CDK16: variants seen among roughly 807,000 people sequenced by gnomAD.
CDK16 encodes cyclin-dependent kinase 16.
In CDK16, 2 loss-of-function variants were observed where a neutral mutation model predicts 41.6. The observed-to-expected ratio is 0.05, with a 90% CI of 0.02 to 0.15. The LOEUF is 0.15. Ranked by LOEUF, CDK16 falls within the 10% of genes least tolerant of loss-of-function variation. The pLI, the probability that CDK16 is intolerant of heterozygous loss-of-function variation, is 1.00. For missense variants in CDK16, 228 were observed against 428.9 expected (o/e 0.53, Z 4.14); for synonymous variants, 169 against 169.7 (o/e 1.00, Z 0.03).
intron 6 of CDK16, among the ~76,000 whole-genome samples, chrX:47,225,569 C>T (rs1175226237): frequency 8.9e-6 from 1 of 111,823 alleles, no homozygotes; most frequent in African/African-American, 3.3e-5. Flanking sequence ...TCCTCTGAGT[C>T]TTATTTTCCA....
intron 4 of CDK16, 22 bp downstream of exon 4, chrX:47,224,765 CCT>C (rs1254504111): frequency 4.1e-6 from 5 of 1,209,604 alleles, no homozygotes; most frequent in Non-Finnish European, 4.5e-6. Flanking sequence ...CTGTTCCCGT[CCT>C]CTCCTTTTTC....
In CDK16 at chrX:47,229,077, C is replaced by G; in HGVS notation, c.*309C>G. ...CCACACTGAGGCCAGGTCTACCCCC[C>G]ATCATACCAGCCCCCAGGACCACTA... On this transcript the variant is annotated 3_prime_UTR_variant, in exon 16 of 16. Coordinates refer to ENST00000357227, the MANE Select transcript of CDK16 (RefSeq NM_006201.5). 2.5e-6 allele frequency: 1 copy of G among 394,960 alleles called. No homozygotes were observed. Among genetic ancestry groups the G allele is most frequent in the South Asian group, 3.3e-5 (1 of 30,714 alleles). The allele number at this position is 394,960 out of a possible 1,213,427, so 32.5% of individuals were successfully genotyped here.
intron 1 of CDK16, among the ~76,000 whole-genome samples, chrX:47,220,853 A>G (rs1308097664): frequency 9.0e-6 from 1 of 111,166 alleles, no homozygotes; most frequent in Non-Finnish European, 1.9e-5. Context: ...GGTCAGCTAT[A>G]GAGTACCCCA....
intron 2 of CDK16, among the ~76,000 whole-genome samples, chrX:47,223,966 C>A (rs1379756506): frequency 1.8e-5 from 2 of 110,875 alleles, no homozygotes; most frequent in African/African-American, 6.6e-5. Flanking sequence ...TCTGCCCAGG[C>A]CCCGTGGTGG....
At chrX:47,219,710 C>T (rs1937251452) in intron 1 of CDK16, among the ~76,000 whole-genome samples, 1 of 110,081 alleles carries the variant, frequency 9.1e-6, no homozygotes, top group African/African-American at 3.3e-5. Context: ...CGTGTCTGTC[C>T]GTGGGGCCTG....
chrX:47,218,509 G>T, upstream of CDK16: 1 of 917,104 alleles, frequency 1.1e-6, no homozygotes, highest in Non-Finnish European at 1.4e-6. Flanking sequence ...TCACCTAGGC[G>T]CTAGCAAACT....
At position 47,224,435 on chromosome X, in the gene CDK16, G is replaced by A; in HGVS notation, c.253G>A (p.Ala85Thr). 1 of 1,206,737 alleles carries A rather than the reference G, an allele frequency of 8.3e-7. No homozygotes were observed. The highest frequency in any genetic ancestry group is 1.1e-6 in the Non-Finnish European group (1 of 892,731). ...KMGSDGESDQ[A>T]SATSSDEVQS... ...GGGGTCTGATGGGGAGAGTGACCAG[G>A]CTTCAGCCACGTCCTCGGATGAGGT... The change falls in exon 3 of 16, where the codon GCT becomes ACT. Residue 85 changes from alanine (A) to threonine (T), a missense_variant. This residue lies in a region of CDK16 where 71 missense variants were observed against 102.2 expected (regional missense o/e 0.69). Coordinates refer to ENST00000357227, the MANE Select transcript of CDK16 (RefSeq NM_006201.5).
At position 47,227,400 on chromosome X, in the gene CDK16, T is replaced by G; in HGVS notation, c.1306T>G (p.Ser436Ala). 8.3e-7 allele frequency: 1 copy of G among 1,209,913 alleles called. No homozygotes were observed. The change falls in exon 14 of 16, where the codon TCC becomes GCC. Residue 436 changes from serine (S) to alanine (A), a missense_variant. This residue lies in a region of CDK16 where 91 missense variants were observed against 129.5 expected (regional missense o/e 0.70). Coordinates refer to ENST00000357227, the MANE Select transcript of CDK16 (RefSeq NM_006201.5). ...LLQFEGRNRI[S>A]AEDAMKHPFF... ...TCAGTTTGAGGGTCGAAATCGGATC[T>G]CCGCAGAGGATGCCATGAAACATCC...
Position 47,218,720 on chromosome X carries a change from A to AGCGCGGCGC in CDK16, c.-383_-375dup. ...CGAGCGCCTGCGTGCGCATGCGCGG[A>AGCGCGGCGC]GCGCGGCGCGCGCGGCGGTTGGGCC... On this transcript the variant is annotated 5_prime_UTR_variant, in exon 1 of 16. Coordinates refer to ENST00000357227, the MANE Select transcript of CDK16 (RefSeq NM_006201.5). 1 of 1,161,500 alleles carries AGCGCGGCGC rather than the reference A, an allele frequency of 8.6e-7. No individual in the cohort carries two copies. The highest frequency in any genetic ancestry group is 1.1e-6 in the Non-Finnish European group (1 of 871,056).
Position 47,229,088 on chromosome X carries a change from C to T in CDK16, c.*320C>T. ...CCAGGTCTACCCCCCATCATACCAG[C>T]CCCCAGGACCACTACCCCACGGCCA... On this transcript the variant is annotated 3_prime_UTR_variant, in exon 16 of 16. Coordinates refer to ENST00000357227, the MANE Select transcript of CDK16 (RefSeq NM_006201.5). The T allele has an allele frequency of 2.7e-6, 1 of 376,587 alleles. No individual in the cohort carries two copies. Among genetic ancestry groups the T allele is most frequent in the South Asian group, 3.4e-5 (1 of 29,470 alleles). 31.0% of individuals were successfully genotyped at this position (376,587 alleles called of 1,213,427 possible). A position where few individuals can be genotyped will look rare whatever the true frequency, so the allele number is the denominator to read the frequency against.
chrX:47,223,532 C>A lies in CDK16; in HGVS notation c.-6-20C>A. ...CAAATGCTAATAAGAGACCCATTTC[C>A]ATCCTTGTCCCTTGCTCAGATCGCC... On this transcript the variant is annotated intron_variant, in intron 1 of 15. Transcript: ENST00000357227. 8.3e-7 allele frequency: 1 copy of A among 1,201,555 alleles called. No individual in the cohort carries two copies. The highest frequency in any genetic ancestry group is 1.1e-6 in the Non-Finnish European group (1 of 887,439).
At chrX:47,218,667 G>T, upstream of CDK16, 1 of 1,168,247 alleles carries the variant, frequency 8.6e-7, no homozygotes. Flanking sequence ...AGTCCGAGGT[G>T]AGTCCCCTCC....
chrX:47,218,637 A>T (rs1302147856), upstream of CDK16: 3 of 1,166,140 alleles, frequency 2.6e-6, no homozygotes, highest in Non-Finnish European at 3.4e-6. Flanking sequence ...CCCGCTGCGG[A>T]CGGGTCCTTT....
chrX:47,224,364 T>A (rs1350116209), intron 2 of CDK16, 21 bp from the exon 3 acceptor site: 1 of 1,171,792 alleles, frequency 8.5e-7, no homozygotes, highest in Non-Finnish European at 1.1e-6. Flanking sequence ...TGGCCTGCCC[T>A]ACCCCTCTCC....
At chrX:47,226,258 C>T (rs200262349) in intron 8 of CDK16, 21 bp from the exon 9 acceptor site, 33 of 1,208,232 alleles carry the variant, frequency 2.7e-5, no homozygotes, top group Non-Finnish European at 3.6e-5. Flanking sequence ...TGACCTCTGC[C>T]TGCCATTCCT....
Position 47,223,775 on chromosome X carries a change from A to G in CDK16, c.202+16A>G, listed in dbSNP as rs1937451042. On this transcript the variant is annotated intron_variant, in intron 2 of 15. Transcript: ENST00000357227. ...TCTGCACCAGGTGGGTCCACTGGCT[A>G]TCCCCTCTCCCATATGGCCCCAGGC... The G allele has an allele frequency of 8.5e-7, 1 of 1,174,537 alleles. No homozygotes were observed. The highest frequency in any genetic ancestry group is 1.2e-6 in the Non-Finnish European group (1 of 868,987).
intron 8 of CDK16, 101 bp from the exon 9 acceptor site, chrX:47,226,178 G>A: frequency 8.7e-7 from 1 of 1,150,232 alleles, no homozygotes. Flanking sequence ...GTGTGACAAG[G>A]CTCTGGGCCT....
Position 47,223,368 on chromosome X carries a change from T to A in CDK16, c.-6-184T>A, listed in dbSNP as rs767439150. ...GCTGGCTGTGTGGGTGGGCAGGTAC[T>A]GACAAAGATCCCCATCCATGCTGGG... On this transcript the variant is annotated intron_variant, in intron 1 of 15. Coordinates refer to ENST00000357227, the MANE Select transcript of CDK16 (RefSeq NM_006201.5). The A allele has an allele frequency of 1.1e-4, 125 of 1,090,585 alleles. 1 individual carries two copies. In the East Asian group the frequency reaches 3.5e-3, roughly 31 times the overall value. 89.9% of individuals were successfully genotyped at this position (1,090,585 alleles called of 1,213,427 possible). A position where few individuals can be genotyped will look rare whatever the true frequency, so the allele number is the denominator to read the frequency against.
chrX:47,222,746 T>G, intron 1 of CDK16: 5 of 174,782 alleles, frequency 2.9e-5, no homozygotes, highest in Admixed American at 7.1e-5. Flanking sequence ...GACTGGGGCG[T>G]GTATTTGGGG....
Sources: allele counts gnomAD v4.1 joint callset (sites outside exome capture counted in the v4.1 genomes callset), GRCh38; gene constraint gnomAD v4.1.1; regional missense constraint gnomAD v4.1.1; transcripts MANE v1.5; gene names NCBI Gene and HGNC (gene_info 2026-07-23, HGNC 2026-07-21).